MELTF: variants seen among roughly 807,000 people sequenced by gnomAD.
MELTF encodes the protein melanotransferrin.
Under a neutral mutation model 83.7 loss-of-function variants are expected in MELTF, and 67 were observed. The ratio of observed to expected loss-of-function variants is 0.80; its 90% confidence interval spans 0.66 to 0.98. The LOEUF (loss-of-function observed/expected upper bound fraction) is 0.98. Ranked by LOEUF, MELTF falls within the 50% of genes least tolerant of loss-of-function variation. The pLI is 0.00. For missense variants in MELTF, 1,002 were observed against 1,035.6 expected, an observed-to-expected ratio of 0.97 and a Z score of 0.44; for synonymous variants, 462 against 447.6, an observed-to-expected ratio of 1.03 and a Z score of -0.41.
chr3:197,029,644 G>C lies in MELTF; in HGVS notation c.49+10C>G, dbSNP rs979625051. 8.0e-6 allele frequency: 10 copies of C among 1,245,196 alleles called. No individual in the cohort carries two copies. The highest frequency in any genetic ancestry group is 1.0e-5 in the Non-Finnish European group (10 of 996,072). The allele number at this position is 1,245,196 out of a possible 1,614,324, so 77.1% of individuals were successfully genotyped here. A position where few individuals can be genotyped will look rare whatever the true frequency, so the allele number is the denominator to read the frequency against. On this transcript the variant is annotated intron_variant, in intron 1 of 15. Coordinates refer to ENST00000296350, the MANE Select transcript of MELTF (RefSeq NM_005929.6). The surrounding 1 kb of genome is among the most constrained non-coding windows in gnomAD (Gnocchi z 6.5). ...CCCGCCCGCCTTTGGCTCTCACAGC[G>C]GGGCCTCACCGGTGCGCAGAGCCAG...
chr3:197,013,564 A>G (rs1719258286), intron 9 of MELTF, among the ~76,000 whole-genome samples: 1 of 152,268 alleles, frequency 6.6e-6, no homozygotes, highest in South Asian at 2.1e-4. Flanking sequence ...AGAGAAAACA[A>G]CGAACAGAGT....
At chr3:197,027,665 G>A (rs957042060) in intron 2 of MELTF, 91 bp downstream of exon 2, 1 of 1,440,112 alleles carries the variant, frequency 6.9e-7, no homozygotes, top group African/African-American at 1.4e-5. Flanking sequence ...GCAGGGCGAG[G>A]TCGGCTCCTT....
chr3:197,024,538 C>T lies in MELTF; in HGVS notation c.305-53G>A. 7 of 1,492,376 alleles carry T rather than the reference C, an allele frequency of 4.7e-6. No homozygotes were observed. Among genetic ancestry groups the T allele is most frequent in the Non-Finnish European group, 6.3e-6 (7 of 1,102,702 alleles). 92.4% of individuals were successfully genotyped at this position (1,492,376 alleles called of 1,614,324 possible). On this transcript the variant is annotated intron_variant, in intron 3 of 15. Coordinates refer to ENST00000296350, the MANE Select transcript of MELTF (RefSeq NM_005929.6). The surrounding 1 kb of genome is among the most constrained non-coding windows in gnomAD (Gnocchi z 5.3). The stretch of plus-strand genomic sequence containing the variant: ...CAGCAGGGAGAGGCCTCGAGAGAGG[C>T]TGCACCAGCACCCTGCCTGGGCGGG...
intron 4 of MELTF, 101 bp from the exon 5 acceptor site, chr3:197,023,214 C>T: frequency 8.4e-7 from 1 of 1,194,616 alleles, no homozygotes; most frequent in Non-Finnish European, 1.2e-6. Context: ...CTGGACTCTG[C>T]TGAGAATGGT....
In MELTF at chr3:197,006,877, C is replaced by G. The variant is rs1175224358; in HGVS notation, c.1751-141G>C. The G allele has an allele frequency of 5.6e-6, 4 of 716,074 alleles. No homozygotes were observed. The African/African-American group carries it at 7.5e-5, about 13-fold the overall frequency. 44.4% of individuals were successfully genotyped at this position (716,074 alleles called of 1,614,324 possible). On this transcript the variant is annotated intron_variant, in intron 13 of 15. Coordinates refer to ENST00000296350, the MANE Select transcript of MELTF (RefSeq NM_005929.6). This position sits in a 1 kb window ranked among gnomAD's most constrained non-coding sequence, Gnocchi z 5.4. ...CCAGCTCCCCAACCCTCTCCATTCTCCACGTGCTCTGCTGTGTTACCGGGG... is the reference window on the plus strand; with the variant it reads ...CCAGCTCCCCAACCCTCTCCATTCTGCACGTGCTCTGCTGTGTTACCGGGG...
chr3:197,010,910 T>C lies in MELTF; in HGVS notation c.1234-116A>G, dbSNP rs569501418. Reference sequence around the variant, plus strand: ...TTGGGGTTTGTGGCCTCAGGCTTCCTTCCCCTGGGGAATGTGGGTGGGGAG... The same window carrying C: ...TTGGGGTTTGTGGCCTCAGGCTTCCCTCCCCTGGGGAATGTGGGTGGGGAG... On this transcript the variant is annotated intron_variant, in intron 9 of 15. Coordinates refer to ENST00000296350, the MANE Select transcript of MELTF (RefSeq NM_005929.6). 8 of 861,852 alleles carry C rather than the reference T, an allele frequency of 9.3e-6. No homozygotes were observed. In the African/African-American group the frequency reaches 1.2e-4, roughly 13 times the overall value. The allele number at this position is 861,852 out of a possible 1,614,324, so 53.4% of individuals were successfully genotyped here. A position where few individuals can be genotyped will look rare whatever the true frequency, so the allele number is the denominator to read the frequency against.
chr3:197,024,555 C>G lies in MELTF; in HGVS notation c.305-70G>C. ...GAGAGAGGCTGCACCAGCACCCTGCCTGGGCGGGCTGTGGGAGAGGTGTGT... is the reference window on the plus strand; with the variant it reads ...GAGAGAGGCTGCACCAGCACCCTGCGTGGGCGGGCTGTGGGAGAGGTGTGT... On this transcript the variant is annotated intron_variant, in intron 3 of 15. Coordinates refer to ENST00000296350, the MANE Select transcript of MELTF (RefSeq NM_005929.6). The surrounding 1 kb of genome is among the most constrained non-coding windows in gnomAD (Gnocchi z 5.3). The G allele has an allele frequency of 2.1e-6, 3 of 1,411,024 alleles. No individual in the cohort carries two copies. Among genetic ancestry groups the G allele is most frequent in the Non-Finnish European group, 2.9e-6 (3 of 1,039,772 alleles). 87.4% of individuals were successfully genotyped at this position (1,411,024 alleles called of 1,614,324 possible).
chr3:197,010,576 C>T (rs1719150177), intron 10 of MELTF, 122 bp downstream of exon 10: 2 of 783,370 alleles, frequency 2.6e-6, no homozygotes, highest in South Asian at 3.3e-5. Context: ...TGGTGACAGG[C>T]AGCCACTATC....
At chr3:197,010,556 G>A in intron 10 of MELTF, 142 bp downstream of exon 10, 2 of 673,126 alleles carry the variant, frequency 3.0e-6, no homozygotes, top group Non-Finnish European at 5.0e-6. Context: ...TGGGGCAGGA[G>A]GGGCAGGCCT....
chr3:197,003,270 C>T lies in MELTF; in HGVS notation c.*102G>A. On this transcript the variant is annotated 3_prime_UTR_variant, in exon 16 of 16. Transcript: ENST00000296350. The surrounding 1 kb of genome is among the most constrained non-coding windows in gnomAD (Gnocchi z 6.2). ...CCGGGGAGGCGCCTGCTCCCGCCCACGCCGGGCCCGGCCTTCGCGAGCTTC... is the reference window on the plus strand; with the variant it reads ...CCGGGGAGGCGCCTGCTCCCGCCCATGCCGGGCCCGGCCTTCGCGAGCTTC... 1.3e-5 allele frequency: 13 copies of T among 1,029,440 alleles called. No individual in the cohort carries two copies. The highest frequency in any genetic ancestry group is 4.6e-5 in the South Asian group (1 of 21,768). The allele number at this position is 1,029,440 out of a possible 1,614,324, so 63.8% of individuals were successfully genotyped here.
intron 9 of MELTF, among the ~76,000 whole-genome samples, chr3:197,012,536 T>C (rs1451075571): frequency 6.6e-6 from 1 of 152,262 alleles, no homozygotes; most frequent in Non-Finnish European, 1.5e-5. Flanking sequence ...CTGGGCAGAG[T>C]TGGCACTGCT....
In MELTF at chr3:197,015,485, G is replaced by A. The variant is rs914938217; in HGVS notation, c.1113C>T (p.Leu371=). The change falls in exon 9 of 16, where the codon CTC becomes CTT. Residue 371 remains leucine, a synonymous_variant. Transcript: ENST00000296350. ...CACACTTCTGGATCTCGGGAGTGGA[G>A]AGCACACACCAGCGCAGGTAGGGGG... is the stretch of plus-strand genomic sequence containing the variant. ...RLPPYLRWCV[L]STPEIQKCGD... is the part of the protein sequence containing the mutation. 1.9e-5 allele frequency: 30 copies of A among 1,612,056 alleles called. No homozygotes were observed. The highest frequency in any genetic ancestry group is 2.2e-5 in the Non-Finnish European group (26 of 1,179,498).
chr3:197,016,417 C>T (rs2148584980), intron 7 of MELTF, 48 bp from the exon 8 acceptor site: 1 of 1,419,318 alleles, frequency 7.0e-7, no homozygotes, highest in Non-Finnish European at 9.3e-7. Context: ...GCTGACAGGC[C>T]ATATCCTTCC....
chr3:197,019,901 G>C, intron 6 of MELTF: 2 of 1,428,326 alleles, frequency 1.4e-6, no homozygotes, highest in South Asian at 3.1e-5. Context: ...ACTGCAGACA[G>C]AACGGTGTGT....
In MELTF at chr3:197,024,201, G is replaced by A; in HGVS notation, c.487+102C>T. 7.8e-7 allele frequency: 1 copy of A among 1,286,162 alleles called. No individual in the cohort carries two copies. The highest frequency in any genetic ancestry group is 1.1e-6 in the Non-Finnish European group (1 of 933,672). The allele number at this position is 1,286,162 out of a possible 1,614,324, so 79.7% of individuals were successfully genotyped here. A position where few individuals can be genotyped will look rare whatever the true frequency, so the allele number is the denominator to read the frequency against. On this transcript the variant is annotated intron_variant, in intron 4 of 15. Coordinates refer to ENST00000296350, the MANE Select transcript of MELTF (RefSeq NM_005929.6). The surrounding 1 kb of genome is among the most constrained non-coding windows in gnomAD (Gnocchi z 5.3). Reference sequence around the variant, plus strand: ...GCTGCGCCTTCCAGGAATGAAGAATGGTGGCGAGGCCGGAGGGAGGCTACC... The same window carrying A: ...GCTGCGCCTTCCAGGAATGAAGAATAGTGGCGAGGCCGGAGGGAGGCTACC...
At chr3:197,026,247 C>T in intron 3 of MELTF, 1 of 192,140 alleles carries the variant, frequency 5.2e-6, no homozygotes, top group Non-Finnish European at 1.1e-5. Flanking sequence ...CTGAGCTGTG[C>T]CGCTGCCAGA....
rs1164916430 is a variant in MELTF, at chr3:197,027,773, A to G, written c.187T>C (p.Cys63Arg). The change falls in exon 2 of 16, where the codon TGC becomes CGC. Residue 63 changes from cysteine (C) to arginine (R), a missense_variant. By Grantham distance (180) the Cys-to-Arg change is radical (BLOSUM62 -3). Coordinates refer to ENST00000296350, the MANE Select transcript of MELTF (RefSeq NM_005929.6). ...LCVRGTSADH[C>R]VQLIAAQEAD... ...GGACTCACCGCGATGAGCTGGACGCAGTGGTCGGCGGAGGTGCCCCGGACG... is the reference window on the plus strand; with the variant it reads ...GGACTCACCGCGATGAGCTGGACGCGGTGGTCGGCGGAGGTGCCCCGGACG... The G allele has an allele frequency of 2.5e-6, 4 of 1,610,428 alleles. No individual in the cohort carries two copies. The highest frequency in any genetic ancestry group is 2.2e-5 in the South Asian group (2 of 90,648).
intron 4 of MELTF, 146 bp from the exon 5 acceptor site, chr3:197,023,259 G>A (rs574846269): frequency 1.2e-6 from 1 of 816,282 alleles, no homozygotes; most frequent in African/African-American, 1.7e-5. Context: ...CAAAGCTGGG[G>A]AGTGGACCCG....
At position 197,029,580 on chromosome 3, in the gene MELTF, C is replaced by A; in HGVS notation, c.49+74G>T. On this transcript the variant is annotated intron_variant, in intron 1 of 15. Transcript: ENST00000296350. This position sits in a 1 kb window ranked among gnomAD's most constrained non-coding sequence, Gnocchi z 6.5. Reference sequence around the variant, plus strand: ...CCGCAGGCTCAGGCACATTTCCAGCCCCGGGACCTGCTCAGCCGGGCCGCG... The same window carrying A: ...CCGCAGGCTCAGGCACATTTCCAGCACCGGGACCTGCTCAGCCGGGCCGCG... 1 of 1,180,486 alleles carries A rather than the reference C, an allele frequency of 8.5e-7. No individual in the cohort carries two copies. The highest frequency in any genetic ancestry group is 4.0e-5 in the South Asian group (1 of 25,240). The allele number at this position is 1,180,486 out of a possible 1,614,324, so 73.1% of individuals were successfully genotyped here. A position where few individuals can be genotyped will look rare whatever the true frequency, so the allele number is the denominator to read the frequency against.
Sources: allele counts gnomAD v4.1 joint callset (sites outside exome capture counted in the v4.1 genomes callset), GRCh38; gene constraint gnomAD v4.1.1; non-coding constraint Gnocchi (gnomAD v3.1); transcripts MANE v1.5; gene names NCBI Gene and HGNC (gene_info 2026-07-23, HGNC 2026-07-21).